Variants in PKHD1 observed in about 807,000 individuals in gnomAD.
The protein encoded by PKHD1 is fibrocystin.
In PKHD1, 291 loss-of-function variants were observed where a neutral mutation model predicts 412.0. The ratio of observed to expected loss-of-function variants is 0.71; its 90% CI spans 0.64 to 0.78. The LOEUF is 0.78. PKHD1 is among the 30% of genes least tolerant of loss of function. The pLI is 0.00. For missense variants in PKHD1, 4,825 were observed against 4,950.7 expected (o/e 0.97, Z 0.76); for synonymous variants, 1,777 against 1,821.5 (o/e 0.98, Z 0.62).
chr6:51,674,731 C>T (rs1222842168), intron 60 of PKHD1, among the ~76,000 whole-genome samples: 1 of 152,190 alleles, frequency 6.6e-6, no homozygotes, highest in African/African-American at 2.4e-5. Flanking sequence ...GAAGTTCTCT[C>T]TGCACAATTT....
At chr6:51,642,695 C>T (rs1382906396) in intron 63 of PKHD1, among the ~76,000 whole-genome samples, 1 of 152,044 alleles carries the variant, frequency 6.6e-6, no homozygotes, top group Non-Finnish European at 1.5e-5. Context: ...GAAAAATTAG[C>T]CAGGTGTGGT....
At chr6:51,636,013 G>A (rs1055873171) in intron 64 of PKHD1, among the ~76,000 whole-genome samples, 28 of 152,216 alleles carry the variant, frequency 1.8e-4, no homozygotes, top group African/African-American at 4.8e-4. Flanking sequence ...GATAGTGAAC[G>A]TGGAAAGGCT....
intron 46 of PKHD1, among the ~76,000 whole-genome samples, chr6:51,874,028 G>T (rs550991176): frequency 3.3e-4 from 50 of 152,180 alleles, no homozygotes; most frequent in Middle Eastern, 3.4e-3. Flanking sequence ...GAAGAAAAGG[G>T]GCCCTACAAC....
At chr6:51,676,458 A>G (rs546894598) in intron 60 of PKHD1, among the ~76,000 whole-genome samples, 1 of 152,238 alleles carries the variant, frequency 6.6e-6, no homozygotes, top group South Asian at 2.1e-4. Flanking sequence ...ATTTCCCTCA[A>G]TAATTTTTTT....
chr6:51,970,507 G>T (rs150274883), intron 35 of PKHD1, among the ~76,000 whole-genome samples: 2 of 152,032 alleles, frequency 1.3e-5, no homozygotes, highest in African/African-American at 4.8e-5. Context: ...TTGAGGTCTT[G>T]GTCATAAATA....
chr6:51,902,599 T>C (rs1021124555), intron 43 of PKHD1, among the ~76,000 whole-genome samples: 1 of 152,190 alleles, frequency 6.6e-6, no homozygotes, highest in African/African-American at 2.4e-5. Flanking sequence ...AAGAAGCTCA[T>C]CCTCTGAGTT....
chr6:51,840,660 C>CA (rs773920645), intron 50 of PKHD1, among the ~76,000 whole-genome samples: 3 of 151,848 alleles, frequency 2.0e-5, no homozygotes, highest in East Asian at 3.9e-4. Flanking sequence ...ACACAGGAGG[C>CA]AAAAAAACAC....
rs1307861202 is a variant in PKHD1, at chr6:51,618,636, A to C, written c.*445T>G. On this transcript the variant is annotated 3_prime_UTR_variant, in exon 67 of 67. Coordinates refer to ENST00000371117, the MANE Select transcript of PKHD1 (RefSeq NM_138694.4). ...CCCTTCAAATGCTACTACAGGATAA[A>C]GAAATGCTTTTCTGTAACAGTGTGG... 7.5e-6 allele frequency: 2 copies of C among 266,980 alleles called. No homozygotes were observed. Among genetic ancestry groups the C allele is most frequent in the African/African-American group, 4.5e-5 (2 of 44,588 alleles). The allele number at this position is 266,980 out of a possible 1,614,324, so 16.5% of individuals were successfully genotyped here.
At chr6:51,726,362 T>C (rs9463706) in intron 60 of PKHD1, among the ~76,000 whole-genome samples, 28,724 of 152,190 alleles carry the variant, frequency 0.19, 3,043 homozygotes, top group African/African-American at 0.29. Flanking sequence ...AAAATACATA[T>C]GGTAAAATAA....
chr6:51,707,378 G>A (rs902200453), intron 60 of PKHD1, among the ~76,000 whole-genome samples: 4 of 152,096 alleles, frequency 2.6e-5, no homozygotes, highest in African/African-American at 9.7e-5. Flanking sequence ...CCCATACCAG[G>A]TGAACAGAGT....
At chr6:51,947,221 G>T (rs1479370147) in intron 36 of PKHD1, among the ~76,000 whole-genome samples, 2 of 152,068 alleles carry the variant, frequency 1.3e-5, no homozygotes, top group African/African-American at 4.8e-5. Context: ...TGACAACTTG[G>T]TCACTTCTTT....
At chr6:51,970,812 T>C (rs1793565238) in intron 35 of PKHD1, among the ~76,000 whole-genome samples, 1 of 152,212 alleles carries the variant, frequency 6.6e-6, no homozygotes, top group Non-Finnish European at 1.5e-5. Context: ...GATCTATGTG[T>C]CTATTTTAAT....
At chr6:51,899,436 T>G (rs1003406528) in intron 43 of PKHD1, among the ~76,000 whole-genome samples, 23 of 152,300 alleles carry the variant, frequency 1.5e-4, no homozygotes, top group African/African-American at 5.5e-4. Context: ...TCTCAATAGA[T>G]GCAGAAAAGG....
At chr6:52,075,969 T>C (rs1811273385) in intron 6 of PKHD1, among the ~76,000 whole-genome samples, 2 of 152,290 alleles carry the variant, frequency 1.3e-5, no homozygotes, top group African/African-American at 4.8e-5. Context: ...ATGGGAATGA[T>C]TATAAAGTTA....
At chr6:51,778,747 T>C (rs1357444540) in intron 53 of PKHD1, among the ~76,000 whole-genome samples, 1 of 152,138 alleles carries the variant, frequency 6.6e-6, no homozygotes, top group Non-Finnish European at 1.5e-5. Context: ...ATTATTTTAT[T>C]AACTAAAGCT....
Position 51,906,279 on chromosome 6 carries a change from C to T in PKHD1, c.6744G>A (p.Gly2248=). ...NSFSRGLSMC[G]TLGLKVDSNV... ...TACTGTCCACCTTCAGGCCCAAGGT[C>T]CCGCACATGCTGAGGCCTCTACTGA... is the stretch of plus-strand genomic sequence containing the variant. Residue 2248 remains glycine (G), a synonymous_variant, in exon 41 of 67, where the codon GGG becomes GGA. Coordinates refer to ENST00000371117, the MANE Select transcript of PKHD1 (RefSeq NM_138694.4). The T allele has an allele frequency of 6.2e-7, 1 of 1,609,444 alleles. No individual in the cohort carries two copies. Among genetic ancestry groups the T allele is most frequent in the African/African-American group, 1.3e-5 (1 of 74,906 alleles).
In PKHD1 at chr6:51,648,112, T is replaced by G. The variant is rs1200937459; in HGVS notation, c.11317A>C (p.Arg3773=). ...GAAGGAGGTCCCAGGGACTCTACTC[T>G]TCGATTCTAGAAATGGGAATAGGAG... The part of the protein sequence containing the change: ...QLVFLDEQNR[R]VESLGPPSEP... Residue 3773 remains arginine, a synonymous_variant, in exon 63 of 67, where the codon AGA becomes CGA. Coordinates refer to ENST00000371117, the MANE Select transcript of PKHD1 (RefSeq NM_138694.4). 1 of 1,588,704 alleles carries G rather than the reference T, an allele frequency of 6.3e-7. No homozygotes were observed. Among genetic ancestry groups the G allele is most frequent in the African/African-American group, 1.3e-5 (1 of 74,590 alleles).
At chr6:51,728,100 T>C (rs546425352) in intron 60 of PKHD1, among the ~76,000 whole-genome samples, 6 of 152,344 alleles carry the variant, frequency 3.9e-5, no homozygotes, top group African/African-American at 1.4e-4. Context: ...CATGCTTTCT[T>C]ATCTGGTCAT....
chr6:51,811,187 T>C (rs1764629404), intron 52 of PKHD1, among the ~76,000 whole-genome samples: 1 of 152,162 alleles, frequency 6.6e-6, no homozygotes, highest in Non-Finnish European at 1.5e-5. Context: ...TGAAGGTATG[T>C]TTTGCATTTT....
Sources: gnomAD v4.1 joint callset for allele counts (sites outside exome capture counted in the v4.1 genomes callset) on GRCh38, gnomAD v4.1.1 for gene constraint, MANE v1.5 for transcripts, NCBI Gene and HGNC (gene_info 2026-07-23, HGNC 2026-07-21) for gene names.